The following AGPAT5 variants were observed in gnomAD, a reference collection of about 807,000 sequenced individuals.
AGPAT5 encodes 1-acyl-sn-glycerol-3-phosphate acyltransferase epsilon.
Under a neutral mutation model 45.6 loss-of-function variants are expected in AGPAT5, and 46 were observed. The ratio of observed to expected loss-of-function variants is 1.01; its 90% CI spans 0.80 to 1.29. The LOEUF is 1.29. AGPAT5 is among the 50% of genes most tolerant of loss of function. AGPAT5 has a pLI of 0.00. For missense variants in AGPAT5, 673 were observed against 450.7 expected, an observed-to-expected ratio of 1.49 and a Z score of -4.47; for synonymous variants, 272 against 167.0, an observed-to-expected ratio of 1.63 and a Z score of -4.85.
At chr8:6,710,064 C>A (rs931204523) in intron 1 of AGPAT5, among the ~76,000 whole-genome samples, 1 of 152,148 alleles carries the variant, frequency 6.6e-6, no homozygotes, top group Non-Finnish European at 1.5e-5. Context: ...GTTTTTACTT[C>A]CACATCATGT....
intron 1 of AGPAT5, among the ~76,000 whole-genome samples, chr8:6,715,230 G>A (rs955956920): frequency 3.9e-5 from 6 of 152,328 alleles, no homozygotes; most frequent in African/African-American, 1.4e-4. Flanking sequence ...AGCCTGGTGG[G>A]TGAGAGGTAG....
intron 1 of AGPAT5, among the ~76,000 whole-genome samples, chr8:6,713,436 A>C (rs1800220415): frequency 6.6e-6 from 1 of 152,260 alleles, no homozygotes; most frequent in South Asian, 2.1e-4. Flanking sequence ...GTTTATATAA[A>C]ATAAACAGGT....
chr8:6,755,698 G>A (rs941805172), intron 7 of AGPAT5, among the ~76,000 whole-genome samples: 1 of 152,176 alleles, frequency 6.6e-6, no homozygotes, highest in Non-Finnish European at 1.5e-5. Flanking sequence ...TTAGCCAATT[G>A]TTTTATTCTC....
rs187207966 is a variant in AGPAT5 at position 6,747,019 on chromosome 8, C to T, written c.587-651C>T. Among the ~76,000 whole-genome samples, 6 of 152,306 alleles carry T rather than the reference C, an allele frequency of 3.9e-5. No homozygotes were observed. In the South Asian group the frequency reaches 6.2e-4, roughly 16 times the overall value. ...CAGATATACCCAAGAGGATTGAAATCGTATGTTCATACAAAAGCTTGTTCA... is the reference window on the plus strand; with the variant it reads ...CAGATATACCCAAGAGGATTGAAATTGTATGTTCATACAAAAGCTTGTTCA... On this transcript the variant is annotated intron_variant, in intron 5 of 7. Transcript: ENST00000285518.
intron 6 of AGPAT5, among the ~76,000 whole-genome samples, chr8:6,751,221 A>T (rs1041621665): frequency 1.3e-5 from 2 of 152,230 alleles, no homozygotes; most frequent in African/African-American, 4.8e-5. Context: ...CTTTGTGGCC[A>T]CATTTCATTA....
intron 5 of AGPAT5, among the ~76,000 whole-genome samples, chr8:6,743,875 T>C (rs182338063): frequency 2.0e-4 from 30 of 152,188 alleles, no homozygotes; most frequent in African/African-American, 7.0e-4. Flanking sequence ...TTTAATGATG[T>C]GTCTATAATG....
rs146430678 is a variant in AGPAT5 at position 6,758,874 on chromosome 8, C to T, written c.*1486C>T. ...CTGGATTTTTGCTGCAGAAATATAT[C>T]AGTGGCCCACATTAAACATACCAGT... On this transcript the variant is annotated 3_prime_UTR_variant, in exon 8 of 8. Transcript: ENST00000285518. 89 of 152,750 alleles carry T rather than the reference C, an allele frequency of 5.8e-4. No homozygotes were observed. Among genetic ancestry groups the T allele is most frequent in the African/African-American group, 2.0e-3 (83 of 41,572 alleles). The allele number at this position is 152,750 out of a possible 1,614,324, so 9.5% of individuals were successfully genotyped here. A position where few individuals can be genotyped will look rare whatever the true frequency, so the allele number is the denominator to read the frequency against.
intron 1 of AGPAT5, among the ~76,000 whole-genome samples, chr8:6,711,605 G>T (rs900726735): frequency 2.0e-5 from 3 of 152,150 alleles, no homozygotes; most frequent in African/African-American, 7.2e-5. Context: ...TTACTTTCCT[G>T]TGCTGCCAAA....
At chr8:6,748,470 G>T (rs939698075) in intron 6 of AGPAT5, among the ~76,000 whole-genome samples, 3 of 152,062 alleles carry the variant, frequency 2.0e-5, no homozygotes, top group Non-Finnish European at 4.4e-5. Flanking sequence ...AGCTGGGGTT[G>T]AGAGAGAACA....
Position 6,758,511 on chromosome 8 carries a change from C to CT in AGPAT5, c.*1126dup, listed in dbSNP as rs376353511. The CT allele has an allele frequency of 4.5e-3, 689 of 152,534 alleles. 4 individuals carry two copies. Among genetic ancestry groups the CT allele is most frequent in the African/African-American group, 0.016 (646 of 41,560 alleles). The allele number at this position is 152,534 out of a possible 1,614,324, so 9.4% of individuals were successfully genotyped here. A position where few individuals can be genotyped will look rare whatever the true frequency, so the allele number is the denominator to read the frequency against. On this transcript the variant is annotated 3_prime_UTR_variant, in exon 8 of 8. Transcript: ENST00000285518. ...TGCTGCCCACTTTCAGAGTTGAACTCTTTAAGCCCTTGTGAGTGGGCTTCA... is the reference window on the plus strand; with the variant it reads ...TGCTGCCCACTTTCAGAGTTGAACTCTTTTAAGCCCTTGTGAGTGGGCTTCA...
At chr8:6,736,187 T>G (rs1245770370) in intron 4 of AGPAT5, among the ~76,000 whole-genome samples, 2 of 152,158 alleles carry the variant, frequency 1.3e-5, no homozygotes, top group Non-Finnish European at 2.9e-5. Flanking sequence ...TGTTGACATC[T>G]TACATAACAT....
chr8:6,743,016 A>C (rs781759458), intron 5 of AGPAT5, among the ~76,000 whole-genome samples: 1 of 152,134 alleles, frequency 6.6e-6, no homozygotes, highest in Non-Finnish European at 1.5e-5. Flanking sequence ...TCTGTAGTCT[A>C]CCTTTGTTGT....
rs374945752 is a variant in AGPAT5 at position 6,708,883 on chromosome 8, T to A, written c.215T>A (p.Val72Asp). 6.2e-7 allele frequency: 1 copy of A among 1,601,622 alleles called. No homozygotes were observed. Among genetic ancestry groups the A allele is most frequent in the Non-Finnish European group, 8.5e-7 (1 of 1,174,678 alleles). Reference sequence around the variant, plus strand: ...TTCTTCTTCGAGAATTACACCGGGGTCCAGGTGAGCCGCCTCCCGCTCCCG... The same window carrying A: ...TTCTTCTTCGAGAATTACACCGGGGACCAGGTGAGCCGCCTCCCGCTCCCG... ...VLFFFENYTG[V>D]QILLYGDLPK... is the part of the protein sequence containing the mutation. Residue 72 changes from valine to aspartate, a missense_variant, in exon 1 of 8, where the codon GTC becomes GAC. Coordinates refer to ENST00000285518, the MANE Select transcript of AGPAT5 (RefSeq NM_018361.5).
chr8:6,757,413 G>T lies in AGPAT5; in HGVS notation c.*25G>T. The T allele has an allele frequency of 1.3e-6, 2 of 1,586,668 alleles. No individual in the cohort carries two copies. The highest frequency in any genetic ancestry group is 1.1e-5 in the South Asian group (1 of 90,272). On this transcript the variant is annotated 3_prime_UTR_variant, in exon 8 of 8. Coordinates refer to ENST00000285518, the MANE Select transcript of AGPAT5 (RefSeq NM_018361.5). ...GACAAGTAGCTGTCTCCAGACAGTGGGATGTGCTACATTGTCTATTTTTGG... is the reference window on the plus strand; with the variant it reads ...GACAAGTAGCTGTCTCCAGACAGTGTGATGTGCTACATTGTCTATTTTTGG...
At chr8:6,742,594 G>C (rs930437373) in intron 5 of AGPAT5, among the ~76,000 whole-genome samples, 3 of 152,178 alleles carry the variant, frequency 2.0e-5, no homozygotes, top group South Asian at 4.1e-4. Flanking sequence ...TTCTTCATCT[G>C]TTCTGTCCAG....
At chr8:6,737,239 G>T (rs1234362167) in intron 4 of AGPAT5, among the ~76,000 whole-genome samples, 1 of 152,160 alleles carries the variant, frequency 6.6e-6, no homozygotes, top group Non-Finnish European at 1.5e-5. Flanking sequence ...AATCTGGATG[G>T]TTGTTTCATT....
intron 4 of AGPAT5, among the ~76,000 whole-genome samples, chr8:6,733,061 GA>G (rs1800922917): frequency 6.6e-6 from 1 of 151,820 alleles, no homozygotes; most frequent in African/African-American, 2.4e-5. Context: ...TACATGTACA[GA>G]AAAACCAAAA....
intron 6 of AGPAT5, among the ~76,000 whole-genome samples, chr8:6,749,956 C>G (rs1438380338): frequency 2.0e-5 from 3 of 152,212 alleles, no homozygotes; most frequent in Non-Finnish European, 4.4e-5. Context: ...TCCTCCTGTG[C>G]TGTGCCGTGA....
chr8:6,711,682 C>A (rs1213591398), intron 1 of AGPAT5, among the ~76,000 whole-genome samples: 2 of 152,166 alleles, frequency 1.3e-5, no homozygotes, highest in Non-Finnish European at 2.9e-5. Flanking sequence ...TGGAGGCCAG[C>A]ACTTTGAAAT....
Sources: allele counts gnomAD v4.1 joint callset (sites outside exome capture counted in the v4.1 genomes callset), GRCh38; gene constraint gnomAD v4.1.1; transcripts MANE v1.5; gene names NCBI Gene and HGNC (gene_info 2026-07-23, HGNC 2026-07-21).